Variants in AFG1L observed in about 807,000 individuals in gnomAD.
AFG1L encodes the protein AFG1 like ATPase.
In AFG1L, 53 loss-of-function variants were observed where a neutral mutation model predicts 62.2. The observed-to-expected ratio is 0.85, with a 90% CI of 0.68 to 1.07. The LOEUF (loss-of-function observed/expected upper bound fraction) is 1.07, where lower values mean the gene tolerates loss of function less well. Among genes scored for constraint, AFG1L ranks in the 50% least tolerant of loss-of-function variants. AFG1L has a pLI of 0.00. For synonymous variants in AFG1L, 228 were observed against 210.3 expected, an observed-to-expected ratio of 1.08 and a Z score of -0.73; for missense variants, 555 against 590.5, an observed-to-expected ratio of 0.94 and a Z score of 0.62.
At chr6:108,433,289 A>ATTATTT (rs1771156823) in intron 7 of AFG1L, among the ~76,000 whole-genome samples, 1 of 151,720 alleles carries the variant, frequency 6.6e-6, no homozygotes, top group South Asian at 2.1e-4. Context: ...TATTATTATT[A>ATTATTT]TTTTTTGAGA....
intron 1 of AFG1L, among the ~76,000 whole-genome samples, chr6:108,314,056 C>G (rs889476366): frequency 5.9e-5 from 9 of 151,960 alleles, no homozygotes; most frequent in Admixed American, 1.3e-4. Context: ...CCAACATGAC[C>G]CCATCTCTAC....
intron 3 of AFG1L, among the ~76,000 whole-genome samples, 180 bp downstream of exon 3, chr6:108,347,219 C>T (rs946239683): frequency 2.0e-5 from 3 of 152,112 alleles, no homozygotes; most frequent in Non-Finnish European, 2.9e-5. Context: ...TACTTTACTT[C>T]TCACAGGATA....
intron 5 of AFG1L, among the ~76,000 whole-genome samples, chr6:108,360,256 A>G (rs1779470819): frequency 6.6e-6 from 1 of 152,092 alleles, no homozygotes; most frequent in African/African-American, 2.4e-5. Flanking sequence ...AGCCTCACTC[A>G]TTGCTTCCTA....
intron 5 of AFG1L, among the ~76,000 whole-genome samples, chr6:108,362,094 C>T (rs1313095298): frequency 1.3e-5 from 2 of 152,168 alleles, no homozygotes; most frequent in Non-Finnish European, 2.9e-5. Flanking sequence ...AAGTCCCACT[C>T]CCCTTACATA....
intron 1 of AFG1L, among the ~76,000 whole-genome samples, chr6:108,297,507 G>A (rs1776810562): frequency 6.6e-6 from 1 of 151,858 alleles, no homozygotes; most frequent in Non-Finnish European, 1.5e-5. Context: ...TTTTTTGGGG[G>A]GGTACATTTC....
At chr6:108,485,202 G>A (rs1221554772) in intron 10 of AFG1L, among the ~76,000 whole-genome samples, 1 of 152,104 alleles carries the variant, frequency 6.6e-6, no homozygotes, top group African/African-American at 2.4e-5. Flanking sequence ...TGCCACTCAG[G>A]GCTGCACATT....
rs1374604339 is a variant in AFG1L, at chr6:108,366,304, T to C, written c.720T>C (p.Val240=). The C allele has an allele frequency of 8.7e-6, 14 of 1,612,144 alleles. No homozygotes were observed. Among genetic ancestry groups the C allele is most frequent in the South Asian group, 1.1e-5 (1 of 90,858 alleles). The change falls in exon 6 of 13, where the codon GTT becomes GTC. Residue 240 remains valine, a synonymous_variant. Coordinates refer to ENST00000368977, the MANE Select transcript of AFG1L (RefSeq NM_145315.5). ...FENLFKNGVV[V]VATSNRPPED... is the part of the protein sequence containing the mutation. ...ATCTGTTCAAAAACGGGGTCGTCGTTGTGGCAACATCCAACAGGCCACCGG... is the reference window on the plus strand; with the variant it reads ...ATCTGTTCAAAAACGGGGTCGTCGTCGTGGCAACATCCAACAGGCCACCGG...
At chr6:108,426,555 A>G (rs575372721) in intron 7 of AFG1L, among the ~76,000 whole-genome samples, 1 of 152,124 alleles carries the variant, frequency 6.6e-6, no homozygotes, top group Non-Finnish European at 1.5e-5. Flanking sequence ...ATTTTCTTGG[A>G]TAAGGTAAAC....
In AFG1L at chr6:108,381,481, C is replaced by T. The variant is rs538743596; in HGVS notation, c.748+15149C>T. On this transcript the variant is annotated intron_variant, in intron 6 of 12. Transcript: ENST00000368977. Reference sequence around the variant, plus strand: ...ACTTGGGAGGCTGAGGCAGGAGAATCGCTTGAGTCCAGGAGTTCAAGGCTA... The same window carrying T: ...ACTTGGGAGGCTGAGGCAGGAGAATTGCTTGAGTCCAGGAGTTCAAGGCTA... Among the ~76,000 whole-genome samples, 8 of 151,812 alleles carry T rather than the reference C, an allele frequency of 5.3e-5. No individual in the cohort carries two copies. The East Asian group carries it at 9.7e-4, about 18-fold the overall frequency.
chr6:108,447,566 G>GAGA (rs1284605499), intron 8 of AFG1L, among the ~76,000 whole-genome samples: 1 of 152,118 alleles, frequency 6.6e-6, no homozygotes, highest in Non-Finnish European at 1.5e-5. Flanking sequence ...CCTTTTATAA[G>GAGA]AGACTCTATT....
intron 8 of AFG1L, among the ~76,000 whole-genome samples, chr6:108,448,761 G>T (rs936583502): frequency 8.6e-5 from 13 of 152,038 alleles, no homozygotes; most frequent in African/African-American, 2.9e-4. Context: ...TTAAAAATAT[G>T]CTAGAGGAAA....
intron 8 of AFG1L, among the ~76,000 whole-genome samples, chr6:108,460,947 AC>A (rs1394112947): frequency 6.6e-6 from 1 of 152,144 alleles, no homozygotes; most frequent in Non-Finnish European, 1.5e-5. Context: ...ACAGAGCGAG[AC>A]TCCGTCTCAA....
intron 1 of AFG1L, among the ~76,000 whole-genome samples, chr6:108,320,213 T>A (rs1427723908): frequency 6.6e-6 from 1 of 152,148 alleles, no homozygotes; most frequent in Non-Finnish European, 1.5e-5. Context: ...GGCACAGTGG[T>A]GGTGATCAGA....
intron 8 of AFG1L, among the ~76,000 whole-genome samples, chr6:108,474,404 A>G (rs934112802): frequency 4.6e-5 from 7 of 152,214 alleles, no homozygotes; most frequent in Non-Finnish European, 1.0e-4. Context: ...ATATCCACTA[A>G]TGGGATTGCT....
At chr6:108,512,811 A>G (rs757153382) in intron 11 of AFG1L, among the ~76,000 whole-genome samples, 48 of 152,194 alleles carry the variant, frequency 3.2e-4, no homozygotes, top group Admixed American at 5.9e-4. Flanking sequence ...TTTAGAGATT[A>G]TACTTTTTAT....
At chr6:108,327,105 A>G (rs927671826) in intron 2 of AFG1L, among the ~76,000 whole-genome samples, 60 of 152,186 alleles carry the variant, frequency 3.9e-4, no homozygotes, top group African/African-American at 1.2e-3. Flanking sequence ...AAAACAAACA[A>G]ACAAAAAATG....
intron 6 of AFG1L, among the ~76,000 whole-genome samples, chr6:108,371,763 ATTAT>A (rs1208363196): frequency 6.6e-6 from 1 of 151,916 alleles, no homozygotes; most frequent in Non-Finnish European, 1.5e-5. Context: ...TAATTAACTA[ATTAT>A]TTATTTTTAG....
rs1160317280 is a variant in AFG1L, at chr6:108,523,554, G to GT, written c.*1130dup. On this transcript the variant is annotated 3_prime_UTR_variant, in exon 13 of 13. Transcript: ENST00000368977. ...GTGAAAATTAAGCATTTGGGGGAAG[G>GT]TAAGGCATAGGTGAGTCAGTCCAAT... The GT allele has an allele frequency of 6.6e-6, 1 of 152,164 alleles. No homozygotes were observed. Among genetic ancestry groups the GT allele is most frequent in the Non-Finnish European group, 1.5e-5 (1 of 68,036 alleles). 9.4% of individuals were successfully genotyped at this position (152,164 alleles called of 1,614,324 possible).
rs543528036 is a variant in AFG1L at position 108,477,707 on chromosome 6, C to T, written c.1062+415C>T. 2.0e-5 allele frequency among the ~76,000 whole-genome samples: 3 copies of T among 152,292 alleles called. No homozygotes were observed. The South Asian group carries it at 6.2e-4, about 32-fold the overall frequency. ...TCCACTCCTTGTACTGATTGCCCAT[C>T]TGATATTGCCATAACATTGGACCTA... On this transcript the variant is annotated intron_variant, in intron 10 of 12. Coordinates refer to ENST00000368977, the MANE Select transcript of AFG1L (RefSeq NM_145315.5).
Sources: gnomAD v4.1 joint callset for allele counts (sites outside exome capture counted in the v4.1 genomes callset) on GRCh38, gnomAD v4.1.1 for gene constraint, MANE v1.5 for transcripts, NCBI Gene and HGNC (gene_info 2026-07-23, HGNC 2026-07-21) for gene names.